PLXNA2: variants seen among roughly 807,000 people sequenced by gnomAD.
The protein encoded by PLXNA2 is plexin A2, also known as plexin-A2.
Under a neutral mutation model 193.5 loss-of-function variants are expected in PLXNA2, and 91 were observed. The observed-to-expected ratio is 0.47, with a 90% confidence interval of 0.40 to 0.56. The LOEUF (loss-of-function observed/expected upper bound fraction) is 0.56. Among genes scored for constraint, PLXNA2 ranks in the 20% least tolerant of loss-of-function variants. The pLI, the probability that PLXNA2 is intolerant of heterozygous loss-of-function variation, is 0.00. For missense variants in PLXNA2, 1,995 were observed against 2,503.2 expected (o/e 0.80, Z 4.33); for synonymous variants, 997 against 1,027.3 (o/e 0.97, Z 0.56).
rs561448475 is a variant in PLXNA2 at position 208,173,488 on chromosome 1, G to A, written c.1372-31025C>T. 1.1e-4 allele frequency among the ~76,000 whole-genome samples: 17 copies of A among 152,266 alleles called. No individual in the cohort carries two copies. The East Asian group carries it at 1.7e-3, about 16-fold the overall frequency. ...ATGTTCATTAAGAACTGAGAAAATCGGAGCTCAGAGAATCTAAGTGAAGTT... is the reference window on the plus strand; with the variant it reads ...ATGTTCATTAAGAACTGAGAAAATCAGAGCTCAGAGAATCTAAGTGAAGTT... On this transcript the variant is annotated intron_variant, in intron 3 of 31. Transcript: ENST00000367033.
intron 27 of PLXNA2, 34 bp from the exon 28 acceptor site, chr1:208,033,543 AAC>A (rs1558155625): frequency 1.0e-5 from 16 of 1,533,750 alleles, no homozygotes; most frequent in Non-Finnish European, 1.2e-5. Flanking sequence ...GGCTGTGAGT[AAC>A]AGTCACCAGC....
rs146976458 is a variant in PLXNA2 at position 208,055,090 on chromosome 1, G to T, written c.2739-552C>A. Among the ~76,000 whole-genome samples the T allele has an allele frequency of 5.1e-3, 769 of 152,196 alleles. 10 individuals carry two copies. Among genetic ancestry groups the T allele is most frequent in the African/African-American group, 0.017 (686 of 41,544 alleles). ...CAGAGAAGGAGCTCCCTGCAGAACG[G>T]GAGGGGTGGAGTCCTGCCGCAGTAG... On this transcript the variant is annotated intron_variant, in intron 13 of 31. Coordinates refer to ENST00000367033, the MANE Select transcript of PLXNA2 (RefSeq NM_025179.4).
chr1:208,185,642 A>G lies in PLXNA2; in HGVS notation c.1371+24638T>C, dbSNP rs145851296. 4.6e-4 allele frequency among the ~76,000 whole-genome samples: 61 copies of G among 131,262 alleles called. 1 individual carries two copies. Among genetic ancestry groups the G allele is most frequent in the African/African-American group, 1.6e-3 (55 of 34,670 alleles). 86.1% of individuals were successfully genotyped at this position (131,262 alleles called of 152,430 possible). On this transcript the variant is annotated intron_variant, in intron 3 of 31. Transcript: ENST00000367033. ...CAACCCCCTGGCAACACAAAACACA[A>G]CTCGATTTCCTGAAGCTGAAGCTGC...
At chr1:208,240,608 G>A (rs1228389246) in intron 1 of PLXNA2, among the ~76,000 whole-genome samples, 2 of 152,076 alleles carry the variant, frequency 1.3e-5, no homozygotes, top group East Asian at 1.9e-4. Context: ...GTGGGGCGGT[G>A]GTGATTGGGG....
chr1:208,142,154 C>T (rs112124629), intron 4 of PLXNA2, among the ~76,000 whole-genome samples, 175 bp downstream of exon 4: 42 of 152,336 alleles, frequency 2.8e-4, no homozygotes, highest in African/African-American at 8.4e-4. Context: ...GGCTGGCCCC[C>T]GGCTGCTTCT....
At chr1:208,050,249 G>T (rs926153770) in intron 17 of PLXNA2, among the ~76,000 whole-genome samples, 1 of 152,244 alleles carries the variant, frequency 6.6e-6, no homozygotes, top group African/African-American at 2.4e-5. Flanking sequence ...GCTGAGGCAG[G>T]TCTGCTTGTC....
At chr1:208,067,501 A>G (rs1271930921) in intron 12 of PLXNA2, among the ~76,000 whole-genome samples, 1 of 152,110 alleles carries the variant, frequency 6.6e-6, no homozygotes, top group Non-Finnish European at 1.5e-5. Flanking sequence ...CTCACCACTC[A>G]CTGAACTCAC....
chr1:208,097,764 G>T (rs554574229), intron 6 of PLXNA2, among the ~76,000 whole-genome samples: 1 of 151,876 alleles, frequency 6.6e-6, no homozygotes, highest in Non-Finnish European at 1.5e-5. Context: ...AAAGGCGACT[G>T]GTTTCCTCTG....
chr1:208,238,271 G>T (rs183314047), intron 1 of PLXNA2, among the ~76,000 whole-genome samples: 1 of 152,342 alleles, frequency 6.6e-6, no homozygotes, highest in Admixed American at 6.5e-5. Flanking sequence ...AAGACAAGTT[G>T]AACTTTCCAA....
intron 12 of PLXNA2, among the ~76,000 whole-genome samples, chr1:208,062,152 C>G (rs1027428934): frequency 6.6e-6 from 1 of 152,156 alleles, no homozygotes; most frequent in Non-Finnish European, 1.5e-5. Context: ...GCCACAGCCT[C>G]TCTGTTTTTG....
chr1:208,043,219 G>T lies in PLXNA2; in HGVS notation c.3875-16C>A. ...TCAGCAAAAGCTATGAGAATAAGCA[G>T]ACGGAGAGGCTCGTGGGGAAGCCCC... On this transcript the variant is annotated splice_polypyrimidine_tract_variant and intron_variant, in intron 20 of 31. Transcript: ENST00000367033. 1 of 1,608,584 alleles carries T rather than the reference G, an allele frequency of 6.2e-7. No homozygotes were observed. The highest frequency in any genetic ancestry group is 1.1e-5 in the South Asian group (1 of 90,688).
chr1:208,067,441 T>C (rs533803837), intron 12 of PLXNA2, among the ~76,000 whole-genome samples: 1 of 152,088 alleles, frequency 6.6e-6, no homozygotes, highest in South Asian at 2.1e-4. Context: ...GTGCATACTG[T>C]GTTTATAGTC....
intron 3 of PLXNA2, among the ~76,000 whole-genome samples, chr1:208,202,232 G>A (rs779130317): frequency 2.6e-5 from 4 of 151,988 alleles, no homozygotes; most frequent in Non-Finnish European, 4.4e-5. Flanking sequence ...AGCCCGCCTC[G>A]GCCTCCTAAA....
chr1:208,075,114 A>G (rs1350386292), intron 12 of PLXNA2, among the ~76,000 whole-genome samples: 1 of 151,998 alleles, frequency 6.6e-6, no homozygotes, highest in East Asian at 1.9e-4. Flanking sequence ...AGTTTGAGAC[A>G]AGCCTGGCCA....
rs555310823 is a variant in PLXNA2 at position 208,179,409 on chromosome 1, C to T, written c.1371+30871G>A. Among the ~76,000 whole-genome samples, 9 of 152,278 alleles carry T rather than the reference C, an allele frequency of 5.9e-5. No homozygotes were observed. In the East Asian group the frequency reaches 1.4e-3, roughly 23 times the overall value. Reference sequence around the variant, plus strand: ...CCATTTCCCTGCTAGGAGGTGCAGCCGGGGCTTTTGGCTCTTTGTCCTCCC... The same window carrying T: ...CCATTTCCCTGCTAGGAGGTGCAGCTGGGGCTTTTGGCTCTTTGTCCTCCC... On this transcript the variant is annotated intron_variant, in intron 3 of 31. Transcript: ENST00000367033.
Position 208,038,709 on chromosome 1 carries a change from C to T in PLXNA2, c.4660+116G>A. The T allele has an allele frequency of 1.7e-6, 2 of 1,142,928 alleles. No individual in the cohort carries two copies. The highest frequency in any genetic ancestry group is 2.6e-6 in the Non-Finnish European group (2 of 779,740). 70.8% of individuals were successfully genotyped at this position (1,142,928 alleles called of 1,614,324 possible). A position where few individuals can be genotyped will look rare whatever the true frequency, so the allele number is the denominator to read the frequency against. On this transcript the variant is annotated intron_variant, in intron 25 of 31. Coordinates refer to ENST00000367033, the MANE Select transcript of PLXNA2 (RefSeq NM_025179.4). The surrounding 1 kb of genome is among the most constrained non-coding windows in gnomAD (Gnocchi z 4.1). ...AGCGCTCAAAGCGGGAAGCATTTCA[C>T]ACGGGCCTCAGCTGGCCAGGACACA...
At chr1:208,176,913 CT>C (rs1004609754) in intron 3 of PLXNA2, among the ~76,000 whole-genome samples, 3 of 152,206 alleles carry the variant, frequency 2.0e-5, no homozygotes, top group Non-Finnish European at 4.4e-5. Context: ...TCATAGTCCC[CT>C]GAACCTGCTG....
intron 4 of PLXNA2, among the ~76,000 whole-genome samples, chr1:208,111,794 T>G (rs968786954): frequency 1.3e-5 from 2 of 152,160 alleles, no homozygotes; most frequent in Non-Finnish European, 2.9e-5. Context: ...TAAATTCTCA[T>G]AAAGTAAATA....
At chr1:208,139,745 C>T (rs1668409401) in intron 4 of PLXNA2, among the ~76,000 whole-genome samples, 1 of 152,224 alleles carries the variant, frequency 6.6e-6, no homozygotes, top group Non-Finnish European at 1.5e-5. Context: ...GATTATTCTC[C>T]TGCCACACAT....
Sources: allele counts gnomAD v4.1 joint callset (sites outside exome capture counted in the v4.1 genomes callset), GRCh38; gene constraint gnomAD v4.1.1; non-coding constraint Gnocchi (gnomAD v3.1); transcripts MANE v1.5; gene names NCBI Gene and HGNC (gene_info 2026-07-23, HGNC 2026-07-21).